Variants in KALRN observed in about 807,000 individuals in gnomAD.
KALRN encodes kalirin RhoGEF kinase.
KALRN carries 70 observed loss-of-function variants against 353.7 expected under a neutral mutation model. The observed-to-expected ratio is 0.20, with a 90% CI of 0.16 to 0.24. KALRN has a LOEUF of 0.24. Among genes scored for constraint, KALRN ranks in the 10% least tolerant of loss-of-function variants. The pLI, the probability that KALRN is intolerant of heterozygous loss-of-function variation, is 1.00. For synonymous variants in KALRN, 1,391 were observed against 1,434.8 expected (o/e 0.97, Z 0.69); for missense variants, 2,791 against 3,756.7 (o/e 0.74, Z 6.72).
intron 14 of KALRN, among the ~76,000 whole-genome samples, chr3:124,420,145 T>TG (rs2092711421): frequency 6.6e-6 from 1 of 152,228 alleles, no homozygotes; most frequent in South Asian, 2.1e-4. Flanking sequence ...TTATTTCCTG[T>TG]GTTTTTCTCA....
chr3:124,067,741 C>T (rs1440729622), intron 1 of KALRN, among the ~76,000 whole-genome samples: 2 of 152,188 alleles, frequency 1.3e-5, no homozygotes, highest in Non-Finnish European at 2.9e-5. Context: ...GGTGCCTGTT[C>T]ACAACACACA....
intron 1 of KALRN, among the ~76,000 whole-genome samples, chr3:124,042,215 G>C (rs2149085362): frequency 6.6e-6 from 1 of 152,312 alleles, no homozygotes; most frequent in Admixed American, 6.5e-5. Context: ...GTGACTCAGT[G>C]GCTGGTGGAG....
At chr3:124,443,107 A>G (rs1234644429) in intron 19 of KALRN, among the ~76,000 whole-genome samples, 2 of 152,256 alleles carry the variant, frequency 1.3e-5, no homozygotes, top group Non-Finnish European at 2.9e-5. Context: ...GTGCTATTCT[A>G]CATAATCTTT....
At chr3:124,477,398 A>G (rs1380287236) in intron 27 of KALRN, 64 bp downstream of exon 27, 11 of 1,153,806 alleles carry the variant, frequency 9.5e-6, no homozygotes, top group Admixed American at 1.7e-5. Flanking sequence ...CTGCTTTGGC[A>G]TAATGGATGG....
At chr3:124,099,434 A>C (rs2061683652) in intron 1 of KALRN, 1 of 152,190 alleles carries the variant, frequency 6.6e-6, no homozygotes. Context: ...TATATATAAC[A>C]CATTTTCTTT....
chr3:124,037,758 G>A (rs185846222), intron 1 of KALRN, among the ~76,000 whole-genome samples: 14 of 152,252 alleles, frequency 9.2e-5, no homozygotes, highest in Non-Finnish European at 2.1e-4. Flanking sequence ...TGATAATCTA[G>A]TGATGGGGGA....
At chr3:124,458,579 C>T (rs1383596826) in intron 23 of KALRN, among the ~76,000 whole-genome samples, 1 of 152,140 alleles carries the variant, frequency 6.6e-6, no homozygotes, top group East Asian at 1.9e-4. Context: ...GTATTTTATA[C>T]TCTGTAGTAT....
chr3:124,623,935 T>C (rs750826525), intron 34 of KALRN, among the ~76,000 whole-genome samples: 12 of 152,250 alleles, frequency 7.9e-5, no homozygotes, highest in Non-Finnish European at 1.5e-5. Context: ...GTAGCACTTA[T>C]GTGTGTTGCA....
intron 34 of KALRN, among the ~76,000 whole-genome samples, chr3:124,586,941 C>A (rs904038561): frequency 1.2e-4 from 18 of 152,188 alleles, no homozygotes; most frequent in African/African-American, 3.9e-4. Context: ...CAGGCTCACT[C>A]TAACCGAAAA....
chr3:124,261,375 C>A (rs4677922), intron 3 of KALRN, among the ~76,000 whole-genome samples: 3 of 152,058 alleles, frequency 2.0e-5, no homozygotes, highest in Non-Finnish European at 2.9e-5. Context: ...AGCCCCAGCA[C>A]AGAATGAGCA....
At chr3:124,467,554 G>C (rs548405312) in intron 25 of KALRN, among the ~76,000 whole-genome samples, 2 of 152,196 alleles carry the variant, frequency 1.3e-5, no homozygotes, top group Non-Finnish European at 2.9e-5. Flanking sequence ...CTTCCTTGAT[G>C]ATGGAATAAA....
At chr3:124,396,044 A>T (rs901485402) in intron 12 of KALRN, among the ~76,000 whole-genome samples, 1 of 152,220 alleles carries the variant, frequency 6.6e-6, no homozygotes, top group African/African-American at 2.4e-5. Context: ...ATAAAGTGTC[A>T]TGAGGCCTTA....
At chr3:124,677,201 G>A (rs922893159) in intron 49 of KALRN, 1 of 166,584 alleles carries the variant, frequency 6.0e-6, no homozygotes, top group Non-Finnish European at 1.3e-5. Flanking sequence ...CTGAGGGGAA[G>A]CCACGTCTTA....
At chr3:124,397,225 G>A (rs1444697554) in intron 12 of KALRN, among the ~76,000 whole-genome samples, 1 of 152,188 alleles carries the variant, frequency 6.6e-6, no homozygotes, top group Non-Finnish European at 1.5e-5. Context: ...AGATAGCACT[G>A]AGTACATCTC....
chr3:124,142,344 T>A (rs1272368261), intron 1 of KALRN, among the ~76,000 whole-genome samples: 1 of 152,216 alleles, frequency 6.6e-6, no homozygotes, highest in East Asian at 1.9e-4. Context: ...AGCCAACACA[T>A]GGGCTCCTTC....
At chr3:124,584,827 G>A (rs764783626) in intron 34 of KALRN, 1 of 1,604,334 alleles carries the variant, frequency 6.2e-7, no homozygotes, top group South Asian at 1.1e-5. Flanking sequence ...GCAACATGAA[G>A]GGCGGCGACA....
At chr3:124,289,154 C>T (rs2076206777) in intron 5 of KALRN, among the ~76,000 whole-genome samples, 1 of 152,162 alleles carries the variant, frequency 6.6e-6, no homozygotes, top group African/African-American at 2.4e-5. Flanking sequence ...TCTTCCTCTC[C>T]TTCTAAAGTC....
At chr3:124,035,394 T>C (rs2039324511) in intron 1 of KALRN, among the ~76,000 whole-genome samples, 1 of 152,062 alleles carries the variant, frequency 6.6e-6, no homozygotes. Flanking sequence ...TAGAAACAAA[T>C]TGACCAGTCA....
intron 1 of KALRN, among the ~76,000 whole-genome samples, chr3:124,154,772 T>C (rs2068721929): frequency 6.6e-6 from 1 of 152,102 alleles, no homozygotes; most frequent in African/African-American, 2.4e-5. Flanking sequence ...TTAAAGTTCA[T>C]ATGGAACCAA....
Sources: gnomAD v4.1 joint callset for allele counts (sites outside exome capture counted in the v4.1 genomes callset) on GRCh38, gnomAD v4.1.1 for gene constraint, MANE v1.5 for transcripts, NCBI Gene and HGNC (gene_info 2026-07-23, HGNC 2026-07-21) for gene names.